Variants in ADAM23 observed in about 807,000 individuals in gnomAD.
The protein encoded by ADAM23 is disintegrin and metalloproteinase domain-containing protein 23.
ADAM23 carries 33 observed loss-of-function variants against 120.1 expected under a neutral mutation model. The ratio of observed to expected loss-of-function variants is 0.27; its 90% CI spans 0.21 to 0.37. The LOEUF is 0.37. Among genes scored for constraint, ADAM23 ranks in the 10% least tolerant of loss-of-function variants. ADAM23 has a pLI of 1.00. For missense variants in ADAM23, 862 were observed against 1,058.2 expected, an observed-to-expected ratio of 0.81 and a Z score of 2.57; for synonymous variants, 367 against 375.2, an observed-to-expected ratio of 0.98 and a Z score of 0.25.
chr2:206,616,934 A>C (rs1399315181), intron 25 of ADAM23, among the ~76,000 whole-genome samples: 1 of 152,194 alleles, frequency 6.6e-6, no homozygotes, highest in African/African-American at 2.4e-5. Flanking sequence ...CCGATTTTCA[A>C]CTAAGCTAAA....
chr2:206,494,887 A>G (rs1211816078), intron 3 of ADAM23, among the ~76,000 whole-genome samples: 1 of 152,218 alleles, frequency 6.6e-6, no homozygotes. Context: ...CAACTGGAAG[A>G]AAGGGTATCA....
chr2:206,564,430 A>G (rs1697837399), intron 13 of ADAM23, among the ~76,000 whole-genome samples: 1 of 152,206 alleles, frequency 6.6e-6, no homozygotes, highest in Non-Finnish European at 1.5e-5. Flanking sequence ...TCCTCACTTC[A>G]ACTCTAACAA....
intron 2 of ADAM23, among the ~76,000 whole-genome samples, chr2:206,478,982 T>G (rs926064200): frequency 2.0e-5 from 3 of 152,176 alleles, no homozygotes; most frequent in African/African-American, 7.2e-5. Context: ...CTGACAGTTG[T>G]ACCTGCCCCT....
chr2:206,555,488 A>G (rs550142951), intron 9 of ADAM23, among the ~76,000 whole-genome samples: 1 of 152,170 alleles, frequency 6.6e-6, no homozygotes, highest in Admixed American at 6.5e-5. Flanking sequence ...GCTTCCCAAC[A>G]GGTATCTCTG....
intron 21 of ADAM23, among the ~76,000 whole-genome samples, chr2:206,591,586 G>A (rs1698426853): frequency 1.3e-5 from 2 of 152,070 alleles, no homozygotes; most frequent in Admixed American, 1.3e-4. Context: ...TTTTTTGGCT[G>A]TTAGGAACCA....
intron 2 of ADAM23, among the ~76,000 whole-genome samples, chr2:206,450,370 G>A (rs2105849385): frequency 1.3e-5 from 2 of 152,254 alleles, no homozygotes; most frequent in Middle Eastern, 3.4e-3. Context: ...TTACAAAATT[G>A]TAATATATAG....
At chr2:206,573,750 T>C (rs957688317) in intron 18 of ADAM23, among the ~76,000 whole-genome samples, 4 of 152,140 alleles carry the variant, frequency 2.6e-5, no homozygotes, top group African/African-American at 9.7e-5. Flanking sequence ...AATGGCAGGC[T>C]TTCAGTCACC....
At chr2:206,552,322 A>G (rs2105815280) in intron 9 of ADAM23, among the ~76,000 whole-genome samples, 1 of 152,342 alleles carries the variant, frequency 6.6e-6, no homozygotes, top group East Asian at 1.9e-4. Flanking sequence ...AGGAAAGTAC[A>G]TGAAGCTATC....
rs116400369 is a variant in ADAM23, at chr2:206,512,812, A to G, written c.510-18073A>G. On this transcript the variant is annotated intron_variant, in intron 3 of 25. Coordinates refer to ENST00000264377, the MANE Select transcript of ADAM23 (RefSeq NM_003812.4). ...TGGGAGCCGTGCATTGAGCAAGTCT[A>G]TTGGCACCATTTTTCCAACAGCGCA... Among the ~76,000 whole-genome samples the G allele has an allele frequency of 9.7e-3, 1,474 of 152,240 alleles. 30 individuals carry two copies. The highest frequency in any genetic ancestry group is 0.033 in the African/African-American group (1,361 of 41,556).
At chr2:206,579,959 A>T (rs1319386320) in intron 18 of ADAM23, among the ~76,000 whole-genome samples, 4 of 144,260 alleles carry the variant, frequency 2.8e-5, no homozygotes, top group African/African-American at 5.1e-5. Context: ...ATTCCTAAGT[A>T]TTTTTTTTTT....
intron 3 of ADAM23, among the ~76,000 whole-genome samples, chr2:206,499,652 A>G (rs1016204452): frequency 1.3e-5 from 2 of 149,564 alleles, no homozygotes; most frequent in Admixed American, 1.3e-4. Flanking sequence ...TAATAAGAAA[A>G]TAAATAAAAT....
chr2:206,503,852 A>T (rs1218260114), intron 3 of ADAM23, among the ~76,000 whole-genome samples: 1 of 152,180 alleles, frequency 6.6e-6, no homozygotes, highest in Non-Finnish European at 1.5e-5. Context: ...TTTACTTAAA[A>T]ACCACTCAGA....
intron 24 of ADAM23, among the ~76,000 whole-genome samples, chr2:206,600,182 AC>A (rs900255303): frequency 2.6e-5 from 4 of 152,308 alleles, no homozygotes; most frequent in Admixed American, 2.6e-4. Context: ...AACCTGGGCA[AC>A]AGAGTGAGAC....
intron 3 of ADAM23, among the ~76,000 whole-genome samples, chr2:206,529,234 T>C (rs1200370389): frequency 6.6e-6 from 1 of 152,132 alleles, no homozygotes; most frequent in African/African-American, 2.4e-5. Flanking sequence ...ATACTGCATA[T>C]TCATGGTTTC....
intron 3 of ADAM23, among the ~76,000 whole-genome samples, chr2:206,485,897 G>A (rs572907543): frequency 6.6e-6 from 1 of 152,340 alleles, no homozygotes; most frequent in South Asian, 2.1e-4. Flanking sequence ...AGCCCTGGTT[G>A]TCAAAGAGGA....
chr2:206,505,033 GC>G (rs1159063404), intron 3 of ADAM23, among the ~76,000 whole-genome samples: 2 of 152,212 alleles, frequency 1.3e-5, no homozygotes, highest in Non-Finnish European at 2.9e-5. Flanking sequence ...AGATTTGATT[GC>G]TATAAGACTT....
chr2:206,604,394 G>A (rs530845033), intron 24 of ADAM23, among the ~76,000 whole-genome samples: 33 of 152,316 alleles, frequency 2.2e-4, no homozygotes, highest in African/African-American at 7.7e-4. Context: ...TTCAGTCCCA[G>A]TGTTTGCCTC....
intron 2 of ADAM23, among the ~76,000 whole-genome samples, chr2:206,468,403 T>A (rs1389800129): frequency 6.6e-6 from 1 of 152,164 alleles, no homozygotes; most frequent in Non-Finnish European, 1.5e-5. Flanking sequence ...CTACTAGATA[T>A]CCTAAATCAT....
Position 206,484,885 on chromosome 2 carries a change from C to T in ADAM23, c.509+3577C>T, listed in dbSNP as rs142172575. 2.5e-4 allele frequency among the ~76,000 whole-genome samples: 38 copies of T among 152,230 alleles called. No homozygotes were observed. The East Asian group carries it at 6.6e-3, about 26-fold the overall frequency. ...TTCTTGTGATAATGAATAAGTCTCA[C>T]GAGATCTGATGGTTTTATGAAGGTC... On this transcript the variant is annotated intron_variant, in intron 3 of 25. Coordinates refer to ENST00000264377, the MANE Select transcript of ADAM23 (RefSeq NM_003812.4).
Sources: allele counts gnomAD v4.1 joint callset (sites outside exome capture counted in the v4.1 genomes callset), GRCh38; gene constraint gnomAD v4.1.1; transcripts MANE v1.5; gene names NCBI Gene and HGNC (gene_info 2026-07-23, HGNC 2026-07-21).